The following HDAC5 variants were observed in gnomAD, a reference collection of about 807,000 sequenced individuals.
HDAC5 encodes histone deacetylase 5.
HDAC5 carries 25 observed loss-of-function variants against 133.3 expected under a neutral mutation model. The observed-to-expected ratio is 0.19, with a 90% CI of 0.14 to 0.26. The LOEUF (loss-of-function observed/expected upper bound fraction) is 0.26, where lower values mean the gene tolerates loss of function less well. HDAC5 is among the 10% of genes least tolerant of loss of function. The pLI, the probability that HDAC5 is intolerant of heterozygous loss-of-function variation, is 1.00. For synonymous variants in HDAC5, 589 were observed against 610.8 expected (o/e 0.96, Z 0.53); for missense variants, 1,041 against 1,460.5 (o/e 0.71, Z 4.68).
intron 1 of HDAC5, among the ~76,000 whole-genome samples, chr17:44,121,272 G>C (rs1478316741): frequency 2.0e-5 from 3 of 152,086 alleles, no homozygotes; most frequent in African/African-American, 7.2e-5. Context: ...CTGCGGCTGG[G>C]CCTGGGGTGA....
At chr17:44,094,461 T>G (rs1002284109) in intron 3 of HDAC5, among the ~76,000 whole-genome samples, 3 of 151,236 alleles carry the variant, frequency 2.0e-5, no homozygotes, top group African/African-American at 7.3e-5. Context: ...CATGGTGAAA[T>G]CCTGTCTCTA....
In HDAC5 at chr17:44,093,671, C is replaced by T. The variant is rs772987658; in HGVS notation, c.258G>A (p.Gln86=). 1 of 1,611,636 alleles carries T rather than the reference C, an allele frequency of 6.2e-7. No individual in the cohort carries two copies. The highest frequency in any genetic ancestry group is 1.7e-5 in the Admixed American group (1 of 59,732). Residue 86 remains glutamine, a synonymous_variant, in exon 4 of 27, where the codon CAG becomes CAA. Transcript: ENST00000682912. ...ACAGGAGCTGCTTCTGCAGCTGCTG[C>T]TGCTGCTTGAGCGCCAGGAGCTCCT... The part of the protein sequence containing the change: ...LQQELLALKQ[Q]QQLQKQLLFA...
In HDAC5 at chr17:44,110,611, A is replaced by C. The variant is rs915909649; in HGVS notation, c.94+118T>G. 7.4e-6 allele frequency: 6 copies of C among 809,576 alleles called. No homozygotes were observed. In the African/African-American group the frequency reaches 8.5e-5, roughly 11 times the overall value. The allele number at this position is 809,576 out of a possible 1,614,324, so 50.1% of individuals were successfully genotyped here. On this transcript the variant is annotated intron_variant, in intron 3 of 26. Coordinates refer to ENST00000682912, the MANE Select transcript of HDAC5 (RefSeq NM_005474.5). ...CCCCCAGCCCTGTGTATTCTCAACAAAACTCTCAAGACAGATCTATGCAGG... is the reference window on the plus strand; with the variant it reads ...CCCCCAGCCCTGTGTATTCTCAACACAACTCTCAAGACAGATCTATGCAGG...
chr17:44,108,767 A>AAC (rs1555549826), intron 3 of HDAC5, among the ~76,000 whole-genome samples: 32 of 146,546 alleles, frequency 2.2e-4, no homozygotes, highest in African/African-American at 8.3e-4. Context: ...AAAAACAAAA[A>AAC]AAAAACAAAA....
At chr17:44,122,819 CCAAGA>C (rs901918680) in intron 1 of HDAC5, among the ~76,000 whole-genome samples, 2 of 152,136 alleles carry the variant, frequency 1.3e-5, no homozygotes, top group African/African-American at 2.4e-5. Flanking sequence ...GGGCATCCAC[CCAAGA>C]CAAGAAGGGG....
At chr17:44,083,749 A>G (rs1029004536) in intron 17 of HDAC5, 56 bp downstream of exon 17, 23 of 1,585,794 alleles carry the variant, frequency 1.5e-5, no homozygotes, top group Non-Finnish European at 2.0e-5. Context: ...TAGGCAGGGA[A>G]GAGACAGACC....
chr17:44,087,299 C>A (rs1256946436), intron 13 of HDAC5, 113 bp downstream of exon 13: 6 of 665,454 alleles, frequency 9.0e-6, no homozygotes. Context: ...GAAAGCTGCT[C>A]CTGCACAGCC....
At chr17:44,119,465 A>G (rs2052849243) in intron 1 of HDAC5, among the ~76,000 whole-genome samples, 1 of 151,948 alleles carries the variant, frequency 6.6e-6, no homozygotes. Flanking sequence ...TAACCCACCT[A>G]CTCTCTCTGT....
At chr17:44,110,069 CT>C (rs1169581320) in intron 3 of HDAC5, among the ~76,000 whole-genome samples, 2 of 152,262 alleles carry the variant, frequency 1.3e-5, no homozygotes, top group African/African-American at 4.8e-5. Context: ...AGAGTAACAC[CT>C]CTTCATCCTC....
chr17:44,103,194 T>C (rs914032334), intron 3 of HDAC5, among the ~76,000 whole-genome samples: 2 of 152,132 alleles, frequency 1.3e-5, no homozygotes, highest in African/African-American at 4.8e-5. Flanking sequence ...CCTGAGCCCA[T>C]GACGCTGTGA....
At chr17:44,082,301 G>A (rs1344128356) in intron 20 of HDAC5, 17 of 491,072 alleles carry the variant, frequency 3.5e-5, no homozygotes, top group Non-Finnish European at 5.1e-5. Context: ...CGTCACTACC[G>A]TTCAAGGTAG....
At chr17:44,107,329 C>T (rs960677452) in intron 3 of HDAC5, among the ~76,000 whole-genome samples, 15 of 152,218 alleles carry the variant, frequency 9.9e-5, no homozygotes, top group Non-Finnish European at 1.0e-4. Context: ...ATGGCAAGGG[C>T]CGGGCGTGGT....
intron 3 of HDAC5, among the ~76,000 whole-genome samples, chr17:44,099,166 G>A (rs2051437920): frequency 1.3e-5 from 2 of 152,114 alleles, no homozygotes; most frequent in Admixed American, 1.3e-4. Flanking sequence ...GTTCACAGGG[G>A]AGGACAAGGA....
chr17:44,109,589 G>A (rs559080003), intron 3 of HDAC5, among the ~76,000 whole-genome samples: 2 of 152,370 alleles, frequency 1.3e-5, no homozygotes, highest in Admixed American at 1.3e-4. Flanking sequence ...CTGGGCAGAT[G>A]ATAAGCCATG....
intron 13 of HDAC5, 119 bp from the exon 14 acceptor site, chr17:44,086,856 C>A (rs1446204878): frequency 3.0e-6 from 2 of 673,880 alleles, no homozygotes; most frequent in African/African-American, 3.7e-5. Context: ...AGTCTCCTTC[C>A]CCCACCTCCT....
At chr17:44,107,562 C>T (rs917051425) in intron 3 of HDAC5, among the ~76,000 whole-genome samples, 38 of 139,312 alleles carry the variant, frequency 2.7e-4, no homozygotes, top group Non-Finnish European at 1.2e-4. Flanking sequence ...GACCCAAGAT[C>T]GTGCCACTGT....
At position 44,083,672 on chromosome 17, in the gene HDAC5, G is replaced by GT; in HGVS notation, c.2356-21dup. On this transcript the variant is annotated intron_variant, in intron 17 of 26. Coordinates refer to ENST00000682912, the MANE Select transcript of HDAC5 (RefSeq NM_005474.5). Reference sequence around the variant, plus strand: ...GTCCACCTGCAGGGCAGGAGAGCAGGTTTCAGTGTGCCCCCTGCAGGGCAA... The same window carrying GT: ...GTCCACCTGCAGGGCAGGAGAGCAGGTTTTCAGTGTGCCCCCTGCAGGGCAA... The GT allele has an allele frequency of 6.2e-7, 1 of 1,604,524 alleles. No individual in the cohort carries two copies. The highest frequency in any genetic ancestry group is 8.5e-7 in the Non-Finnish European group (1 of 1,171,470).
intron 12 of HDAC5, 124 bp from the exon 13 acceptor site, chr17:44,087,820 A>C (rs2050742244): frequency 8.0e-7 from 1 of 1,247,826 alleles, no homozygotes; most frequent in Non-Finnish European, 1.1e-6. Context: ...GTGAATTAGA[A>C]AAAGGTGAGG....
chr17:44,078,663 T>G lies in HDAC5; in HGVS notation c.3166A>C (p.Lys1056Gln), dbSNP rs1290258316. 2 of 1,605,210 alleles carry G rather than the reference T, an allele frequency of 1.2e-6. No homozygotes were observed. The highest frequency in any genetic ancestry group is 4.5e-5 in the East Asian group (2 of 44,814). ...AACTTCTGCACACAGCTCCAGTGTTTGCCTGTGGACGAGAGACAGGCAAGG... is the reference window on the plus strand; with the variant it reads ...AACTTCTGCACACAGCTCCAGTGTTGGCCTGTGGACGAGAGACAGGCAAGG... ...TLEKVIEIQS[K>Q]HWSCVQKFAA... The change falls in exon 26 of 27, where the codon AAA becomes CAA. Residue 1056 changes from lysine (K) to glutamine (Q), a missense_variant and splice_region_variant. Physicochemically the swap from Lys to Gln is moderately conservative, Grantham distance 53. Coordinates refer to ENST00000682912, the MANE Select transcript of HDAC5 (RefSeq NM_005474.5).
Sources: allele counts gnomAD v4.1 joint callset (sites outside exome capture counted in the v4.1 genomes callset), GRCh38; gene constraint gnomAD v4.1.1; transcripts MANE v1.5; gene names NCBI Gene and HGNC (gene_info 2026-07-23, HGNC 2026-07-21).